CPVL: variants seen among roughly 807,000 people sequenced by gnomAD.
The protein encoded by CPVL is probable serine carboxypeptidase CPVL.
Under a neutral mutation model 63.7 loss-of-function variants are expected in CPVL, and 51 were observed. The ratio of observed to expected loss-of-function variants is 0.80; its 90% CI spans 0.64 to 1.01. The LOEUF (loss-of-function observed/expected upper bound fraction) is 1.01, where lower values mean the gene tolerates loss of function less well. Ranked by LOEUF, CPVL falls within the 50% of genes least tolerant of loss-of-function variation. The pLI, the probability that CPVL is intolerant of heterozygous loss-of-function variation, is 0.00. For missense variants in CPVL, 530 were observed against 573.1 expected (o/e 0.92, Z 0.77); for synonymous variants, 195 against 206.0 (o/e 0.95, Z 0.46).
chr7:29,138,129 G>C (rs1270893521), intron 1 of CPVL, among the ~76,000 whole-genome samples: 1 of 152,122 alleles, frequency 6.6e-6, no homozygotes, highest in African/African-American at 2.4e-5. Context: ...GCGTGGAGAG[G>C]GCAGACTTAA....
intron 12 of CPVL, among the ~76,000 whole-genome samples, chr7:29,005,108 C>G (rs1157662619): frequency 6.6e-6 from 1 of 151,974 alleles, no homozygotes; most frequent in Non-Finnish European, 1.5e-5. Context: ...CCATGTTCCC[C>G]AGGCTGGTCT....
At chr7:29,060,551 A>G (rs573453288) in intron 11 of CPVL, among the ~76,000 whole-genome samples, 3 of 152,356 alleles carry the variant, frequency 2.0e-5, no homozygotes, top group Admixed American at 6.5e-5. Context: ...TTTACCACCC[A>G]AACATCTGAA....
At chr7:29,038,706 G>T (rs1172447813) in intron 11 of CPVL, among the ~76,000 whole-genome samples, 1 of 152,202 alleles carries the variant, frequency 6.6e-6, no homozygotes, top group Non-Finnish European at 1.5e-5. Flanking sequence ...TTTCTTAGAA[G>T]AGAAAAATAT....
intron 4 of CPVL, chr7:29,181,493 C>G (rs1798048573): frequency 6.6e-6 from 1 of 152,112 alleles, no homozygotes; most frequent in Non-Finnish European, 1.5e-5. Flanking sequence ...AAGCCAAAAA[C>G]TGTGAAACAA....
chr7:29,061,457 T>C (rs1332684887), intron 11 of CPVL, among the ~76,000 whole-genome samples: 1 of 152,090 alleles, frequency 6.6e-6, no homozygotes, highest in African/African-American at 2.4e-5. Context: ...TTTGATTTTA[T>C]TGGAATTCAT....
chr7:29,175,821 CATGTCTA>C (rs1188900042), intron 5 of CPVL, among the ~76,000 whole-genome samples: 2 of 152,142 alleles, frequency 1.3e-5, no homozygotes, highest in Non-Finnish European at 2.9e-5. Context: ...GAAAGTCTAA[CATGTCTA>C]ATTCACTGAC....
At position 29,163,566 on chromosome 7, in the gene CPVL, A is replaced by C. The variant is rs148401623; in HGVS notation, c.-11+17724T>G. Among the ~76,000 whole-genome samples the C allele has an allele frequency of 5.1e-4, 78 of 152,264 alleles. 2 individuals are homozygous for C. The East Asian group carries it at 0.015, about 29-fold the overall frequency. ...ATCCATTTTTTTTTACAATCTTATT[A>C]AGGTATAACTGGCATACAATAAGCT... On this transcript the variant is annotated intron_variant, in intron 5 of 16. Transcript: ENST00000409850.
intron 12 of CPVL, among the ~76,000 whole-genome samples, chr7:29,015,023 G>C (rs982376955): frequency 6.6e-6 from 1 of 152,200 alleles, no homozygotes; most frequent in South Asian, 2.1e-4. Context: ...TCGTCCACTC[G>C]AAGGACTAGA....
upstream of CPVL, chr7:29,146,692 C>T (rs1792740817): frequency 1.9e-6 from 3 of 1,550,646 alleles, no homozygotes; most frequent in Non-Finnish European, 2.6e-6. Context: ...AAGCAAGCAG[C>T]CCCAGGGTGG....
chr7:29,121,919 T>A (rs1407797260), intron 1 of CPVL, among the ~76,000 whole-genome samples: 1 of 152,198 alleles, frequency 6.6e-6, no homozygotes, highest in Non-Finnish European at 1.5e-5. Context: ...TATTGCTAGC[T>A]GATAAGTAAA....
At chr7:29,188,985 C>G (rs1799056387) in intron 1 of CPVL, among the ~76,000 whole-genome samples, 1 of 139,284 alleles carries the variant, frequency 7.2e-6, no homozygotes, top group African/African-American at 2.7e-5. Context: ...ATCTCTTGCT[C>G]TGTCGCCCAA....
At chr7:29,061,818 T>C (rs912592145) in intron 11 of CPVL, among the ~76,000 whole-genome samples, 3 of 151,882 alleles carry the variant, frequency 2.0e-5, no homozygotes, top group Non-Finnish European at 4.4e-5. Context: ...TGGTGGCACA[T>C]GCCTATAATC....
intron 2 of CPVL, among the ~76,000 whole-genome samples, chr7:29,119,487 A>T (rs931512529): frequency 2.0e-4 from 1 of 5,126 alleles, no homozygotes; most frequent in African/African-American, 1.5e-3. Context: ...TTCTGTCTCA[A>T]AAAAAAAAAA....
intron 7 of CPVL, among the ~76,000 whole-genome samples, 182 bp downstream of exon 7, chr7:29,086,302 T>A (rs323193): frequency 0.13 from 8,264 of 63,564 alleles, 246 homozygotes; most frequent in East Asian, 0.27. Flanking sequence ...TAAAAAAAAA[T>A]ATATATATAT....
intron 1 of CPVL, among the ~76,000 whole-genome samples, chr7:29,189,452 A>T (rs893004915): frequency 6.6e-6 from 1 of 152,138 alleles, no homozygotes; most frequent in Non-Finnish European, 1.5e-5. Context: ...AGAAGACACG[A>T]AAAACAAACT....
chr7:29,172,695 C>G (rs1442829248), intron 5 of CPVL, among the ~76,000 whole-genome samples: 4 of 151,932 alleles, frequency 2.6e-5, no homozygotes, highest in Admixed American at 2.0e-4. Context: ...TTTTGACATA[C>G]AGTCATCTGA....
At chr7:29,066,243 C>T (rs1783127578) in intron 9 of CPVL, 122 bp from the exon 10 acceptor site, 9 of 615,040 alleles carry the variant, frequency 1.5e-5, no homozygotes, top group South Asian at 4.2e-5. Flanking sequence ...TTTCATCCAG[C>T]GCCCACTTAT....
chr7:29,051,584 A>T lies in CPVL; in HGVS notation c.1137+12477T>A, dbSNP rs1246584559. Among the ~76,000 whole-genome samples, 4 of 152,194 alleles carry T rather than the reference A, an allele frequency of 2.6e-5. No individual in the cohort carries two copies. In the East Asian group the frequency reaches 7.7e-4, roughly 29 times the overall value. ...CCTGCAAGGATGGCCATAATCAAAA[A>T]ATCAAAAAACAGTAGATGTTAGCGT... On this transcript the variant is annotated intron_variant, in intron 11 of 12. Transcript: ENST00000265394.
In CPVL at chr7:29,048,500, A is replaced by G. The variant is rs1789837954; in HGVS notation, c.1137+15561T>C. Among the ~76,000 whole-genome samples the G allele has an allele frequency of 2.0e-5, 3 of 152,282 alleles. No individual in the cohort carries two copies. The South Asian group carries it at 6.2e-4, about 32-fold the overall frequency. Reference sequence around the variant, plus strand: ...ATAACAGTCAAAGGCCTAAACACATATGCACCTAACAGTGGAGCTCCCAAA... The same window carrying G: ...ATAACAGTCAAAGGCCTAAACACATGTGCACCTAACAGTGGAGCTCCCAAA... On this transcript the variant is annotated intron_variant, in intron 11 of 12. Coordinates refer to ENST00000265394, the MANE Select transcript of CPVL (RefSeq NM_031311.5).
Sources: gnomAD v4.1 joint callset for allele counts (sites outside exome capture counted in the v4.1 genomes callset) on GRCh38, gnomAD v4.1.1 for gene constraint, MANE v1.5 for transcripts, NCBI Gene and HGNC (gene_info 2026-07-23, HGNC 2026-07-21) for gene names.